ADCY2: variants seen among roughly 807,000 people sequenced by gnomAD.
ADCY2 encodes the protein adenylate cyclase 2.
ADCY2 carries 31 observed loss-of-function variants against 125.2 expected under a neutral mutation model. That is an observed-to-expected ratio of 0.25 (90% CI 0.19 to 0.33). ADCY2 has a LOEUF of 0.33. Ranked by LOEUF, ADCY2 falls within the 10% of genes least tolerant of loss-of-function variation. The pLI is 1.00. For missense variants in ADCY2, 904 were observed against 1,418.2 expected (o/e 0.64, Z 5.82); for synonymous variants, 512 against 548.4 (o/e 0.93, Z 0.93).
intron 2 of ADCY2, among the ~76,000 whole-genome samples, chr5:7,470,660 ACAAATATATACATTTTAATGGCCC>A (rs1742302980): frequency 6.7e-6 from 1 of 150,076 alleles, no homozygotes; most frequent in Admixed American, 6.7e-5. Flanking sequence ...GTGTGTGTTT[ACAAATATATACATTTTAATGGCCC>A]AGAACATGTT....
In ADCY2 at chr5:7,625,683, G is replaced by A. The variant is rs988450001; in HGVS notation, c.571-484G>A. Among the ~76,000 whole-genome samples, 8 of 152,118 alleles carry A rather than the reference G, an allele frequency of 5.3e-5. No homozygotes were observed. The East Asian group carries it at 5.8e-4, about 11-fold the overall frequency. ...GGGCAGTTTGTATCACAATAATGCT[G>A]CATAACAACCATGAAATCTCAGAGG... On this transcript the variant is annotated intron_variant, in intron 3 of 24. Coordinates refer to ENST00000338316, the MANE Select transcript of ADCY2 (RefSeq NM_020546.3).
chr5:7,793,415 C>T (rs1040622536), intron 20 of ADCY2, among the ~76,000 whole-genome samples: 1 of 152,206 alleles, frequency 6.6e-6, no homozygotes, highest in African/African-American at 2.4e-5. Flanking sequence ...CGTGCCTTTG[C>T]ACTCCAGCAT....
At position 7,804,696 on chromosome 5, in the gene ADCY2, A is replaced by G. The variant is rs768445645; in HGVS notation, c.2883+4A>G. 6.2e-7 allele frequency: 1 copy of G among 1,612,786 alleles called. No individual in the cohort carries two copies. Among genetic ancestry groups the G allele is most frequent in the Middle Eastern group, 1.7e-4 (1 of 6,056 alleles). ...GCCCAGCCAGGAGCACTCCCAGGTA[A>G]GACGCGTTGGCCACTTAACGGCACA... On this transcript the variant is annotated splice_donor_region_variant and intron_variant, in intron 22 of 24. Coordinates refer to ENST00000338316, the MANE Select transcript of ADCY2 (RefSeq NM_020546.3).
intron 3 of ADCY2, among the ~76,000 whole-genome samples, chr5:7,585,925 A>G (rs924092181): frequency 3.3e-5 from 5 of 152,232 alleles, no homozygotes; most frequent in African/African-American, 7.2e-5. Context: ...ACATGGTGAA[A>G]CACCATGCTG....
intron 15 of ADCY2, among the ~76,000 whole-genome samples, chr5:7,751,656 G>T (rs1300469799): frequency 6.6e-6 from 1 of 152,188 alleles, no homozygotes; most frequent in African/African-American, 2.4e-5. Context: ...AGTGAATGGG[G>T]CTCTTCTAGA....
At chr5:7,589,516 A>AAAGAAAAAG (rs1313792543) in intron 3 of ADCY2, among the ~76,000 whole-genome samples, 5 of 103,236 alleles carry the variant, frequency 4.8e-5, no homozygotes, top group East Asian at 2.9e-4. Context: ...GAAAGAAAAG[A>AAAGAAAAAG]AAAGAAAGAG....
rs1745581627 is a variant in ADCY2 at position 7,829,551 on chromosome 5, A to T, written c.*2680A>T. The stretch of plus-strand genomic sequence containing the variant: ...CCAGGTCCCAGTGCCATTGGCTTCA[A>T]GAAAAAAAAAAAATCTCTCCCCAAT... On this transcript the variant is annotated 3_prime_UTR_variant, in exon 25 of 25. Transcript: ENST00000338316. 1 of 89,720 alleles carries T rather than the reference A, an allele frequency of 1.1e-5. No homozygotes were observed. 5.6% of individuals were successfully genotyped at this position (89,720 alleles called of 1,614,324 possible). A position where few individuals can be genotyped will look rare whatever the true frequency, so the allele number is the denominator to read the frequency against.
chr5:7,648,543 T>C (rs528787797), intron 4 of ADCY2, among the ~76,000 whole-genome samples: 2 of 152,284 alleles, frequency 1.3e-5, no homozygotes, highest in South Asian at 4.1e-4. Context: ...ACAAATGCCA[T>C]GGCAATAGAA....
chr5:7,700,951 G>T (rs557773539), intron 7 of ADCY2, among the ~76,000 whole-genome samples: 2 of 152,076 alleles, frequency 1.3e-5, no homozygotes, highest in South Asian at 4.2e-4. Context: ...AGCCATAATT[G>T]CTTCTTCCCA....
intron 3 of ADCY2, among the ~76,000 whole-genome samples, chr5:7,558,338 G>A (rs1655823746): frequency 6.6e-6 from 1 of 152,038 alleles, no homozygotes; most frequent in South Asian, 2.1e-4. Flanking sequence ...CAGGCACTTT[G>A]TGCCTGGCCT....
At chr5:7,578,021 A>T (rs1170008174) in intron 3 of ADCY2, among the ~76,000 whole-genome samples, 1 of 152,240 alleles carries the variant, frequency 6.6e-6, no homozygotes, top group African/African-American at 2.4e-5. Flanking sequence ...TGTGTCTGTC[A>T]TAGGCATCCT....
intron 2 of ADCY2, among the ~76,000 whole-genome samples, chr5:7,450,656 G>A (rs1377843232): frequency 6.6e-6 from 1 of 152,208 alleles, no homozygotes; most frequent in African/African-American, 2.4e-5. Flanking sequence ...TCTGTTATAA[G>A]AAGATGTCCT....
chr5:7,597,725 C>A (rs1201025786), intron 3 of ADCY2, among the ~76,000 whole-genome samples: 1 of 152,160 alleles, frequency 6.6e-6, no homozygotes, highest in African/African-American at 2.4e-5. Context: ...TGCAGTGAGC[C>A]ATGATTGCAT....
intron 4 of ADCY2, among the ~76,000 whole-genome samples, chr5:7,642,490 A>G (rs573173193): frequency 6.6e-6 from 1 of 152,088 alleles, no homozygotes; most frequent in South Asian, 2.1e-4. Flanking sequence ...TTACAATGTT[A>G]TTATTTTCTA....
chr5:7,512,233 A>G (rs576188663), intron 2 of ADCY2, among the ~76,000 whole-genome samples: 9 of 143,750 alleles, frequency 6.3e-5, no homozygotes, highest in Non-Finnish European at 9.0e-5. Context: ...AAAAAAAAAA[A>G]AAAAAAAGAA....
intron 4 of ADCY2, among the ~76,000 whole-genome samples, chr5:7,632,605 A>T (rs1738353978): frequency 6.6e-6 from 1 of 152,190 alleles, no homozygotes; most frequent in African/African-American, 2.4e-5. Context: ...TGAAGAGCTG[A>T]GATGTTATAA....
At chr5:7,455,707 AATTAT>A (rs1741643376) in intron 2 of ADCY2, among the ~76,000 whole-genome samples, 1 of 145,604 alleles carries the variant, frequency 6.9e-6, no homozygotes, top group Non-Finnish European at 1.5e-5. Context: ...TTATTAACAT[AATTAT>A]ATTATGTTAT....
chr5:7,643,661 T>A (rs1003438990), intron 4 of ADCY2, among the ~76,000 whole-genome samples: 5 of 152,084 alleles, frequency 3.3e-5, no homozygotes, highest in Non-Finnish European at 5.9e-5. Flanking sequence ...GACATTTTGA[T>A]TTACTTCCAA....
chr5:7,727,106 C>T, intron 13 of ADCY2, 58 bp from the exon 14 acceptor site: 1 of 1,331,992 alleles, frequency 7.5e-7, no homozygotes. Flanking sequence ...CTGCTGGACA[C>T]TGTGTGCAGC....
Sources: gnomAD v4.1 joint callset for allele counts (sites outside exome capture counted in the v4.1 genomes callset) on GRCh38, gnomAD v4.1.1 for gene constraint, MANE v1.5 for transcripts, NCBI Gene and HGNC (gene_info 2026-07-23, HGNC 2026-07-21) for gene names.